GRM1: variants seen among roughly 807,000 people sequenced by gnomAD.
The protein encoded by GRM1 is metabotropic glutamate receptor 1.
GRM1 carries 33 observed loss-of-function variants against 90.9 expected under a neutral mutation model. The ratio of observed to expected loss-of-function variants is 0.36; its 90% CI spans 0.28 to 0.49. GRM1 has a LOEUF of 0.49. Among genes scored for constraint, GRM1 ranks in the 20% least tolerant of loss-of-function variants. The pLI, the probability that GRM1 is intolerant of heterozygous loss-of-function variation, is 0.99. For synonymous variants in GRM1, 700 were observed against 613.2 expected, an observed-to-expected ratio of 1.14 and a Z score of -2.09; for missense variants, 1,190 against 1,534.3, an observed-to-expected ratio of 0.78 and a Z score of 3.75.
intron 1 of GRM1, among the ~76,000 whole-genome samples, chr6:146,043,800 T>TATATATATATATAG (rs1791216544): frequency 7.0e-6 from 1 of 142,434 alleles, no homozygotes; most frequent in Non-Finnish European, 1.5e-5. Flanking sequence ...TATATATATA[T>TATATATATATATAG]ATATATATAT....
At chr6:146,077,914 C>A (rs1776241423) in intron 1 of GRM1, among the ~76,000 whole-genome samples, 1 of 151,982 alleles carries the variant, frequency 6.6e-6, no homozygotes, top group African/African-American at 2.4e-5. Context: ...GCCAGGAGGG[C>A]AGCTAATGAA....
rs62434317 is a variant in GRM1 at position 146,150,926 on chromosome 6, A to G, written c.701-8422A>G. ...ATAATATTCCTGTATAAACACACACACGCGTGTGCGCGCACACACACACAC... is the reference window on the plus strand; with the variant it reads ...ATAATATTCCTGTATAAACACACACGCGCGTGTGCGCGCACACACACACAC... On this transcript the variant is annotated intron_variant, in intron 1 of 7. Transcript: ENST00000282753. Among the ~76,000 whole-genome samples, 443 of 88,472 alleles carry G rather than the reference A, an allele frequency of 5.0e-3. 2 individuals are homozygous for G. Among genetic ancestry groups the G allele is most frequent in the African/African-American group, 0.02 (428 of 21,802 alleles). 58.0% of individuals were successfully genotyped at this position (88,472 alleles called of 152,430 possible).
At chr6:146,243,171 A>T (rs1180348547) in intron 2 of GRM1, among the ~76,000 whole-genome samples, 1 of 152,166 alleles carries the variant, frequency 6.6e-6, no homozygotes, top group Non-Finnish European at 1.5e-5. Context: ...ATTAGCATGA[A>T]GAGTGTCATA....
chr6:146,405,058 T>C (rs185599892), intron 7 of GRM1, among the ~76,000 whole-genome samples: 1 of 152,268 alleles, frequency 6.6e-6, no homozygotes, highest in Non-Finnish European at 1.5e-5. Context: ...TGAGCCCAAG[T>C]GAAATACTGC....
chr6:146,204,383 C>A (rs1779424138), intron 2 of GRM1, among the ~76,000 whole-genome samples: 1 of 152,140 alleles, frequency 6.6e-6, no homozygotes, highest in Non-Finnish European at 1.5e-5. Flanking sequence ...ACAGAAAAAT[C>A]TATTTTTATT....
At chr6:146,314,050 C>CTTTT (rs1783869802) in intron 3 of GRM1, among the ~76,000 whole-genome samples, 2 of 82,908 alleles carry the variant, frequency 2.4e-5, no homozygotes, top group African/African-American at 8.4e-5. Context: ...ATAGTTAATT[C>CTTTT]CTTTTTTTTT....
intron 2 of GRM1, among the ~76,000 whole-genome samples, chr6:146,208,703 T>C (rs1227629848): frequency 1.3e-5 from 2 of 152,068 alleles, no homozygotes; most frequent in Non-Finnish European, 2.9e-5. Context: ...CACACACACA[T>C]AAACAGACAC....
At chr6:146,328,899 A>C (rs1464410566) in intron 3 of GRM1, among the ~76,000 whole-genome samples, 1 of 152,174 alleles carries the variant, frequency 6.6e-6, no homozygotes, top group Non-Finnish European at 1.5e-5. Context: ...CAGAGGACAG[A>C]CACTACTGTG....
chr6:146,350,342 A>C (rs1394639367), intron 3 of GRM1, among the ~76,000 whole-genome samples: 1 of 152,014 alleles, frequency 6.6e-6, no homozygotes, highest in Non-Finnish European at 1.5e-5. Context: ...ATTTATTCTG[A>C]TATTTTTCTA....
At chr6:146,331,761 C>G (rs1784596030) in intron 3 of GRM1, among the ~76,000 whole-genome samples, 1 of 151,844 alleles carries the variant, frequency 6.6e-6, no homozygotes, top group Non-Finnish European at 1.5e-5. Context: ...GTCCTGTTTT[C>G]CTTTAAAAAA....
At chr6:146,085,268 G>T (rs1776502238) in intron 1 of GRM1, among the ~76,000 whole-genome samples, 1 of 151,984 alleles carries the variant, frequency 6.6e-6, no homozygotes. Flanking sequence ...AAAGAAAAGG[G>T]AGAAACTGGG....
At chr6:146,121,283 A>G (rs1389143622) in intron 1 of GRM1, among the ~76,000 whole-genome samples, 2 of 152,086 alleles carry the variant, frequency 1.3e-5, no homozygotes, top group African/African-American at 4.8e-5. Flanking sequence ...CAGTGGTGCT[A>G]TCCCCTTTAT....
In GRM1 at chr6:146,437,085, A is replaced by G. The variant is rs997452706; in HGVS notation, c.*2289A>G. 8 of 152,288 alleles carry G rather than the reference A, an allele frequency of 5.3e-5. No individual in the cohort carries two copies. The highest frequency in any genetic ancestry group is 2.1e-4 in the South Asian group (1 of 4,824). 9.4% of individuals were successfully genotyped at this position (152,288 alleles called of 1,614,324 possible). On this transcript the variant is annotated 3_prime_UTR_variant, in exon 8 of 8. Transcript: ENST00000282753. Reference sequence around the variant, plus strand: ...TAAGAAAGCAGAGAGCGGAAAATCAATGGCTCCAGTGATTAATAGATGGGT... The same window carrying G: ...TAAGAAAGCAGAGAGCGGAAAATCAGTGGCTCCAGTGATTAATAGATGGGT...
At chr6:146,183,836 C>A (rs1330095573) in intron 2 of GRM1, among the ~76,000 whole-genome samples, 2 of 152,180 alleles carry the variant, frequency 1.3e-5, no homozygotes, top group Non-Finnish European at 2.9e-5. Context: ...ACTTCTATCT[C>A]TTGCATATGG....
intron 1 of GRM1, among the ~76,000 whole-genome samples, chr6:146,048,416 C>A (rs1298526983): frequency 6.6e-6 from 1 of 151,966 alleles, no homozygotes; most frequent in African/African-American, 2.4e-5. Context: ...TTTTCCTTTG[C>A]GTTTTTGAGT....
At chr6:146,224,901 T>C (rs4895694) in intron 2 of GRM1, among the ~76,000 whole-genome samples, 31,312 of 152,084 alleles carry the variant, frequency 0.21, 7,096 homozygotes, top group African/African-American at 0.57. Context: ...TCTGTAAAGC[T>C]ACTAGGACTC....
intron 3 of GRM1, chr6:146,340,431 T>TA (rs1784928306): frequency 6.6e-6 from 1 of 152,326 alleles, no homozygotes; most frequent in Non-Finnish European, 1.5e-5. Context: ...GCAAGGGCCA[T>TA]ACCACCCTGA....
intron 1 of GRM1, among the ~76,000 whole-genome samples, chr6:146,103,540 T>G (rs1234867959): frequency 6.6e-6 from 1 of 152,190 alleles, no homozygotes; most frequent in Non-Finnish European, 1.5e-5. Context: ...TCCATTTCCT[T>G]CCACAGGCAC....
chr6:146,263,811 C>T (rs2114799409), intron 2 of GRM1, among the ~76,000 whole-genome samples: 1 of 152,086 alleles, frequency 6.6e-6, no homozygotes, highest in East Asian at 1.9e-4. Context: ...ATAGTTGGAT[C>T]TTTAATTTTC....
Sources: gnomAD v4.1 joint callset for allele counts (sites outside exome capture counted in the v4.1 genomes callset) on GRCh38, gnomAD v4.1.1 for gene constraint, MANE v1.5 for transcripts, NCBI Gene and HGNC (gene_info 2026-07-23, HGNC 2026-07-21) for gene names.